Variants in FSTL5 observed in about 807,000 individuals in gnomAD.
FSTL5 encodes follistatin-related protein 5.
In FSTL5, 62 loss-of-function variants were observed where a neutral mutation model predicts 89.1. That is an observed-to-expected ratio of 0.70 (90% confidence interval 0.57 to 0.86). The LOEUF (loss-of-function observed/expected upper bound fraction) is 0.86. Among genes scored for constraint, FSTL5 ranks in the 40% least tolerant of loss-of-function variants. The pLI is 0.00. For synonymous variants in FSTL5, 383 were observed against 346.2 expected (o/e 1.11, Z -1.18); for missense variants, 1,057 against 1,001.6 (o/e 1.06, Z -0.75).
intron 4 of FSTL5, among the ~76,000 whole-genome samples, chr4:161,807,408 C>G (rs55642922): frequency 0.74 from 111,752 of 151,994 alleles, 41,143 homozygotes; most frequent in Admixed American, 0.76. Context: ...ATGGGAGATA[C>G]AGTTGACCTG....
intron 7 of FSTL5, among the ~76,000 whole-genome samples, chr4:161,611,182 ATATATGTG>A (rs1158355104): frequency 1.4e-4 from 20 of 144,846 alleles, no homozygotes; most frequent in African/African-American, 4.7e-4. Context: ...GTATATATGT[ATATATGTG>A]TATATGTGTA....
At chr4:161,607,931 G>C (rs1734508626) in intron 7 of FSTL5, among the ~76,000 whole-genome samples, 2 of 152,116 alleles carry the variant, frequency 1.3e-5, no homozygotes, top group African/African-American at 4.8e-5. Flanking sequence ...TCTTAAAGAA[G>C]TGTTGTTGTT....
intron 3 of FSTL5, among the ~76,000 whole-genome samples, chr4:161,936,431 A>G (rs1488613571): frequency 6.6e-6 from 1 of 152,146 alleles, no homozygotes; most frequent in Non-Finnish European, 1.5e-5. Context: ...ATAGATCTGC[A>G]AGGATGAAGA....
chr4:162,133,573 G>A (rs929709352), intron 1 of FSTL5, among the ~76,000 whole-genome samples: 1 of 151,966 alleles, frequency 6.6e-6, no homozygotes, highest in Non-Finnish European at 1.5e-5. Context: ...ATAAATACTG[G>A]TAACATTCAG....
intron 4 of FSTL5, among the ~76,000 whole-genome samples, chr4:161,846,347 A>G (rs1731368811): frequency 6.6e-6 from 1 of 152,154 alleles, no homozygotes; most frequent in African/African-American, 2.4e-5. Context: ...TAGTACTTAA[A>G]TTTGTGTTAC....
intron 7 of FSTL5, among the ~76,000 whole-genome samples, chr4:161,622,819 C>A (rs1178694585): frequency 6.6e-6 from 1 of 151,956 alleles, no homozygotes; most frequent in Non-Finnish European, 1.5e-5. Context: ...ATTACTTAAA[C>A]CTGAGTATAT....
At chr4:161,935,430 C>T (rs1375033735) in intron 3 of FSTL5, among the ~76,000 whole-genome samples, 1 of 152,094 alleles carries the variant, frequency 6.6e-6, no homozygotes, top group Non-Finnish European at 1.5e-5. Context: ...TATACTGATT[C>T]AGTTCCATCT....
chr4:161,789,298 C>A (rs778658119), intron 4 of FSTL5, among the ~76,000 whole-genome samples: 3 of 151,864 alleles, frequency 2.0e-5, no homozygotes, highest in Non-Finnish European at 2.9e-5. Flanking sequence ...AAGTTTGGAG[C>A]AAGCAAAGGG....
intron 3 of FSTL5, among the ~76,000 whole-genome samples, chr4:161,969,099 G>A (rs1253151339): frequency 4.6e-5 from 7 of 152,014 alleles, no homozygotes; most frequent in Non-Finnish European, 1.5e-5. Flanking sequence ...ACAGGTTGGA[G>A]GGGCTTTATT....
At chr4:162,097,145 C>A (rs1489224292) in intron 2 of FSTL5, among the ~76,000 whole-genome samples, 2 of 151,654 alleles carry the variant, frequency 1.3e-5, no homozygotes, top group Admixed American at 1.3e-4. Context: ...TATATTTAAT[C>A]TTCTCAGAGA....
intron 4 of FSTL5, among the ~76,000 whole-genome samples, chr4:161,919,858 G>T (rs557113771): frequency 6.6e-6 from 1 of 152,142 alleles, no homozygotes; most frequent in Non-Finnish European, 1.5e-5. Context: ...GCATGAAAGT[G>T]AATACCAGTA....
At chr4:161,451,988 G>A (rs1267152437) in intron 15 of FSTL5, among the ~76,000 whole-genome samples, 2 of 152,182 alleles carry the variant, frequency 1.3e-5, no homozygotes, top group African/African-American at 4.8e-5. Flanking sequence ...TGAGAGAAAA[G>A]CAGATTAATG....
At chr4:161,420,688 C>G (rs1276602265) in intron 15 of FSTL5, among the ~76,000 whole-genome samples, 1 of 150,816 alleles carries the variant, frequency 6.6e-6, no homozygotes, top group African/African-American at 2.4e-5. Context: ...TATATATTTC[C>G]ATGTATTGAG....
chr4:161,684,601 C>T (rs1700292976), intron 6 of FSTL5, among the ~76,000 whole-genome samples: 3 of 152,072 alleles, frequency 2.0e-5, no homozygotes, highest in Admixed American at 2.0e-4. Context: ...CCTTAGCCCA[C>T]TTTTTGATGT....
chr4:162,085,779 T>A (rs931271941), intron 2 of FSTL5, among the ~76,000 whole-genome samples: 90 of 152,216 alleles, frequency 5.9e-4, no homozygotes, highest in African/African-American at 2.1e-3. Flanking sequence ...GCATGGTGGT[T>A]TTTCTATACC....
rs532712693 is a variant in FSTL5 at position 161,810,322 on chromosome 4, C to T, written c.410-34248G>A. Among the ~76,000 whole-genome samples, 269 of 151,900 alleles carry T rather than the reference C, an allele frequency of 1.8e-3. 4 individuals are homozygous for T. In the South Asian group the frequency reaches 0.027, roughly 15 times the overall value. The stretch of plus-strand genomic sequence containing the variant: ...TCAAAATTTAATGATTAGTGTAATA[C>T]TACTAATATTTCAAGTTTTAAGGTC... On this transcript the variant is annotated intron_variant, in intron 4 of 15. Coordinates refer to ENST00000306100, the MANE Select transcript of FSTL5 (RefSeq NM_020116.5).
At chr4:161,429,275 G>A (rs950646270) in intron 15 of FSTL5, among the ~76,000 whole-genome samples, 1 of 152,194 alleles carries the variant, frequency 6.6e-6, no homozygotes, top group African/African-American at 2.4e-5. Flanking sequence ...ACCTGCCCAG[G>A]GCTGGGGGAA....
At chr4:161,959,456 T>A (rs1735112575) in intron 3 of FSTL5, among the ~76,000 whole-genome samples, 1 of 152,088 alleles carries the variant, frequency 6.6e-6, no homozygotes, top group Admixed American at 6.6e-5. Context: ...GTAAATAGTT[T>A]CTAATGAATT....
At chr4:161,391,395 TA>T (rs1730817970) in intron 15 of FSTL5, among the ~76,000 whole-genome samples, 1 of 152,124 alleles carries the variant, frequency 6.6e-6, no homozygotes, top group African/African-American at 2.4e-5. Context: ...TAAGATGCTA[TA>T]ATCATAATTC....
Sources: gnomAD v4.1 joint callset for allele counts (sites outside exome capture counted in the v4.1 genomes callset) on GRCh38, gnomAD v4.1.1 for gene constraint, MANE v1.5 for transcripts, NCBI Gene and HGNC (gene_info 2026-07-23, HGNC 2026-07-21) for gene names.